The following MRTFA variants were observed in gnomAD, a reference collection of about 807,000 sequenced individuals.
MRTFA encodes the protein myocardin-related transcription factor A.
In MRTFA, 20 loss-of-function variants were observed where a neutral mutation model predicts 83.5. The ratio of observed to expected loss-of-function variants is 0.24; its 90% CI spans 0.17 to 0.35. MRTFA has a LOEUF of 0.35. Among genes scored for constraint, MRTFA ranks in the 10% least tolerant of loss-of-function variants. MRTFA has a pLI of 1.00. For synonymous variants in MRTFA, 659 were observed against 541.2 expected (o/e 1.22, Z -3.02); for missense variants, 1,200 against 1,224.7 (o/e 0.98, Z 0.30).
At chr22:40,520,919 C>G (rs2054855383) in intron 3 of MRTFA, among the ~76,000 whole-genome samples, 1 of 152,062 alleles carries the variant, frequency 6.6e-6, no homozygotes, top group African/African-American at 2.4e-5. Flanking sequence ...GGATATATAT[C>G]TAGAAGTAGA....
intron 4 of MRTFA, among the ~76,000 whole-genome samples, chr22:40,457,481 A>AGAAAGAAAGAAG (rs1569275953): frequency 7.2e-6 from 1 of 138,942 alleles, no homozygotes; most frequent in Non-Finnish European, 1.6e-5. Context: ...AAAGAAAGAA[A>AGAAAGAAAGAAG]GAAAGAAGGA....
intron 3 of MRTFA, chr22:40,533,942 T>A (rs943539510): frequency 7.2e-6 from 2 of 277,862 alleles, no homozygotes; most frequent in South Asian, 3.3e-4. Context: ...GGGAGAGACA[T>A]ATATAAAGAG....
At chr22:40,439,323 C>CA (rs1451176871) in intron 4 of MRTFA, among the ~76,000 whole-genome samples, 2 of 151,652 alleles carry the variant, frequency 1.3e-5, no homozygotes, top group Non-Finnish European at 2.9e-5. Flanking sequence ...GCCAAAATGG[C>CA]AAAACCATGT....
chr22:40,618,054 G>A (rs1349631043), intron 1 of MRTFA, among the ~76,000 whole-genome samples: 2 of 151,300 alleles, frequency 1.3e-5, no homozygotes, highest in African/African-American at 2.4e-5. Flanking sequence ...GGGAATGCCA[G>A]GGATTGAGGA....
chr22:40,477,175 CAAAAAAAAAAAAAAA>C (rs55932110), intron 3 of MRTFA, among the ~76,000 whole-genome samples: 6 of 59,626 alleles, frequency 1.0e-4, no homozygotes, highest in African/African-American at 3.1e-4. Flanking sequence ...ACTAAAAATA[CAAAAAAAAAAAAAAA>C]AAAAAAAAAA....
intron 3 of MRTFA, among the ~76,000 whole-genome samples, chr22:40,497,601 A>G (rs1266791714): frequency 1.3e-5 from 2 of 152,018 alleles, no homozygotes; most frequent in Non-Finnish European, 2.9e-5. Context: ...AAAAATACAA[A>G]AATCAGCCAG....
At position 40,567,725 on chromosome 22, in the gene MRTFA, T is replaced by C. The variant is rs143276093; in HGVS notation, c.-21-15358A>G. The stretch of plus-strand genomic sequence containing the variant: ...AAATATTAACTTTGGAATGAAAAAC[T>C]TGTTGAGACAAACCTCACCTAGCAT... On this transcript the variant is annotated intron_variant, in intron 2 of 14. Transcript: ENST00000355630. 3.0e-3 allele frequency among the ~76,000 whole-genome samples: 459 copies of C among 152,314 alleles called. 5 individuals carry two copies. The highest frequency in any genetic ancestry group is 0.011 in the African/African-American group (440 of 41,564).
chr22:40,451,885 C>T (rs977211136), intron 4 of MRTFA, among the ~76,000 whole-genome samples: 7 of 151,296 alleles, frequency 4.6e-5, no homozygotes, highest in South Asian at 2.1e-4. Context: ...ATAATCAATA[C>T]GTCTAAGTGA....
chr22:40,570,577 C>CAAAAAAA (rs894548892), intron 2 of MRTFA, among the ~76,000 whole-genome samples: 5 of 23,148 alleles, frequency 2.2e-4, no homozygotes, highest in Non-Finnish European at 3.7e-4. Context: ...GACTCTGTCT[C>CAAAAAAA]AAAAAAAAAA....
intron 3 of MRTFA, among the ~76,000 whole-genome samples, chr22:40,514,500 A>G (rs1280676543): frequency 6.8e-6 from 1 of 146,150 alleles, no homozygotes; most frequent in African/African-American, 2.5e-5. Context: ...TTTGAGTCAG[A>G]GTCTCACTCT....
intron 1 of MRTFA, among the ~76,000 whole-genome samples, chr22:40,604,898 G>A (rs1362315347): frequency 2.0e-5 from 3 of 152,136 alleles, no homozygotes; most frequent in South Asian, 2.1e-4. Context: ...TGTTGTTGTC[G>A]TTGAATGAAT....
rs1013584363 is a variant in MRTFA, at chr22:40,454,020, A to G, written c.307+9201T>C. 3.3e-5 allele frequency among the ~76,000 whole-genome samples: 5 copies of G among 152,384 alleles called. No homozygotes were observed. The South Asian group carries it at 1.0e-3, about 32-fold the overall frequency. ...AGAATGATCTTAACAGAGTAGTACCATGCTGACTAGTGGTTCTTTGATTTC... is the reference window on the plus strand; with the variant it reads ...AGAATGATCTTAACAGAGTAGTACCGTGCTGACTAGTGGTTCTTTGATTTC... On this transcript the variant is annotated intron_variant, in intron 4 of 14. Transcript: ENST00000355630.
Position 40,418,524 on chromosome 22 carries a change from G to C in MRTFA, c.2214C>G (p.Pro738=), listed in dbSNP as rs142826865. ...GGCCCTGAGGCCCCAGAAGCAACTGGGGGGCGGGGACCGGCTCGGGCTCAG... is the reference window on the plus strand; with the variant it reads ...GGCCCTGAGGCCCCAGAAGCAACTGCGGGGCGGGGACCGGCTCGGGCTCAG... The change falls in exon 12 of 15, where the codon CCC becomes CCG. Residue 738 remains proline, a synonymous_variant. Transcript: ENST00000355630. 1.3e-6 allele frequency: 2 copies of C among 1,590,780 alleles called. No homozygotes were observed. The highest frequency in any genetic ancestry group is 2.7e-5 in the African/African-American group (2 of 73,810).
intron 3 of MRTFA, among the ~76,000 whole-genome samples, chr22:40,527,157 CAA>C (rs530524308): frequency 6.6e-6 from 1 of 150,486 alleles, no homozygotes; most frequent in Non-Finnish European, 1.5e-5. Context: ...CACACACACA[CAA>C]ATACTTTTAA....
Position 40,411,823 on chromosome 22 carries a change from G to T in MRTFA, c.2663C>A (p.Ala888Glu), listed in dbSNP as rs773835365. 2.6e-6 allele frequency: 4 copies of T among 1,514,744 alleles called. No homozygotes were observed. The highest frequency in any genetic ancestry group is 3.5e-6 in the Non-Finnish European group (4 of 1,128,346). 93.8% of individuals were successfully genotyped at this position (1,514,744 alleles called of 1,614,324 possible). A position where few individuals can be genotyped will look rare whatever the true frequency, so the allele number is the denominator to read the frequency against. Residue 888 changes from alanine (A) to glutamate (E), a missense_variant, in exon 15 of 15, where the codon GCA becomes GAA. Transcript: ENST00000355630. ...CTCAGCAGAAGGTGATGGCTGTGCT[G>T]CCAGGGGGGACCCACAGACTGTCTT...
intron 3 of MRTFA, among the ~76,000 whole-genome samples, chr22:40,505,416 G>C (rs1227469639): frequency 6.6e-6 from 1 of 152,118 alleles, no homozygotes; most frequent in African/African-American, 2.4e-5. Context: ...CCAGTTTCTT[G>C]CAAAGTAAAA....
chr22:40,566,039 C>T (rs1465024682), intron 2 of MRTFA, among the ~76,000 whole-genome samples: 2 of 152,128 alleles, frequency 1.3e-5, no homozygotes, highest in Non-Finnish European at 2.9e-5. Context: ...TGACAAGAAA[C>T]AGCCAGCCAT....
chr22:40,584,544 T>C (rs564657984), intron 2 of MRTFA, among the ~76,000 whole-genome samples: 4 of 151,258 alleles, frequency 2.6e-5, no homozygotes, highest in African/African-American at 9.7e-5. Context: ...TGAGACCAGC[T>C]TGACCAACAT....
intron 1 of MRTFA, among the ~76,000 whole-genome samples, chr22:40,603,888 T>C (rs977566505): frequency 1.3e-5 from 2 of 152,016 alleles, no homozygotes; most frequent in Admixed American, 6.6e-5. Context: ...GCTGGGATTA[T>C]AGGCATAAGC....
Sources: allele counts gnomAD v4.1 joint callset (sites outside exome capture counted in the v4.1 genomes callset), GRCh38; gene constraint gnomAD v4.1.1; transcripts MANE v1.5; gene names NCBI Gene and HGNC (gene_info 2026-07-23, HGNC 2026-07-21).